The following PLPP1 variants were observed in gnomAD, a reference collection of about 807,000 sequenced individuals.
PLPP1 encodes phospholipid phosphatase 1.
PLPP1 carries 24 observed loss-of-function variants against 31.2 expected under a neutral mutation model. The ratio of observed to expected loss-of-function variants is 0.77; its 90% confidence interval spans 0.56 to 1.08. The LOEUF (loss-of-function observed/expected upper bound fraction) is 1.08. Among genes scored for constraint, PLPP1 ranks in the 50% least tolerant of loss-of-function variants. PLPP1 has a pLI of 0.00. For missense variants in PLPP1, 319 were observed against 342.7 expected, an observed-to-expected ratio of 0.93 and a Z score of 0.55; for synonymous variants, 146 against 126.3, an observed-to-expected ratio of 1.16 and a Z score of -1.05.
Position 55,508,318 on chromosome 5 carries a change from A to T in PLPP1, c.58+26254T>A, listed in dbSNP as rs1056826804. The stretch of plus-strand genomic sequence containing the variant: ...TGGAAAAGATATGGCAAGCAGGAAG[A>T]AAGTGAGATAAGACACTGTGGGCAC... On this transcript the variant is annotated intron_variant, in intron 1 of 5. Transcript: ENST00000307259. Among the ~76,000 whole-genome samples the T allele has an allele frequency of 2.0e-5, 3 of 152,342 alleles. No homozygotes were observed. The East Asian group carries it at 5.8e-4, about 29-fold the overall frequency.
intron 2 of PLPP1, among the ~76,000 whole-genome samples, chr5:55,471,817 T>C (rs1453298172): frequency 1.3e-5 from 2 of 152,214 alleles, no homozygotes; most frequent in Non-Finnish European, 2.9e-5. Flanking sequence ...AAAATTGAAT[T>C]ATTTTAAATG....
chr5:55,477,108 T>A (rs1361678410), intron 1 of PLPP1, among the ~76,000 whole-genome samples: 5 of 152,030 alleles, frequency 3.3e-5, no homozygotes, highest in Admixed American at 1.3e-4. Context: ...ATATCCCAAT[T>A]CAGACTATCC....
intron 3 of PLPP1, among the ~76,000 whole-genome samples, chr5:55,446,256 T>G (rs776159681): frequency 3.3e-5 from 5 of 152,210 alleles, no homozygotes; most frequent in Non-Finnish European, 5.9e-5. Context: ...TCCAGATCTC[T>G]TACCCTTTCT....
chr5:55,428,104 G>A (rs551517069), intron 4 of PLPP1, among the ~76,000 whole-genome samples: 1 of 152,300 alleles, frequency 6.6e-6, no homozygotes, highest in African/African-American at 2.4e-5. Flanking sequence ...ACACTTCTAA[G>A]TGAAGTCTTT....
At chr5:55,480,434 C>T (rs1464484194) in intron 1 of PLPP1, among the ~76,000 whole-genome samples, 1 of 151,772 alleles carries the variant, frequency 6.6e-6, no homozygotes, top group Non-Finnish European at 1.5e-5. Flanking sequence ...CCCTTGAGCC[C>T]ATTTGCATTT....
intron 3 of PLPP1, among the ~76,000 whole-genome samples, chr5:55,443,191 A>AT (rs1331582356): frequency 0.095 from 7,148 of 75,376 alleles, 202 homozygotes; most frequent in Non-Finnish European, 0.12. Flanking sequence ...AAAAAAAAAA[A>AT]AATATATATA....
Position 55,468,040 on chromosome 5 carries a change from A to G in PLPP1, c.320T>C (p.Phe107Ser). 1.2e-6 allele frequency: 2 copies of G among 1,614,200 alleles called. No individual in the cohort carries two copies. Among genetic ancestry groups the G allele is most frequent in the Non-Finnish European group, 1.7e-6 (2 of 1,180,018 alleles). ...TIYKAIGTFL[F>S]GAAASQSLTD... ...CAGGGACTGACTAGCAGCTGCACCA[A>G]ATAAAAAGGTTCCAATGGCTTTGTA... Residue 107 changes from phenylalanine (F) to serine (S), a missense_variant, in exon 3 of 6, where the codon TTT becomes TCT. Physicochemically the swap from Phe to Ser is radical, Grantham distance 155. Coordinates refer to ENST00000307259, the MANE Select transcript of PLPP1 (RefSeq NM_003711.4).
rs1306686135 is a variant in PLPP1, at chr5:55,458,915, A to C, written c.491+8954T>G. 2.5e-3 allele frequency among the ~76,000 whole-genome samples: 377 copies of C among 149,060 alleles called. 6 individuals carry two copies. The highest frequency in any genetic ancestry group is 8.4e-3 in the African/African-American group (337 of 40,356). ...AAAAAAAAAAAAAAAAAAAAAAAAA[A>C]ACACATAGCAAAATGGCAGAAAAAT... On this transcript the variant is annotated intron_variant, in intron 3 of 5. Coordinates refer to ENST00000307259, the MANE Select transcript of PLPP1 (RefSeq NM_003711.4).
intron 1 of PLPP1, among the ~76,000 whole-genome samples, chr5:55,524,046 C>T (rs1242601110): frequency 1.3e-5 from 2 of 152,116 alleles, no homozygotes; most frequent in Non-Finnish European, 2.9e-5. Flanking sequence ...ATAATGTCTG[C>T]TTAATAAATA....
At chr5:55,441,213 G>A (rs1579924631) in intron 4 of PLPP1, among the ~76,000 whole-genome samples, 1 of 152,242 alleles carries the variant, frequency 6.6e-6, no homozygotes, top group Admixed American at 6.5e-5. Flanking sequence ...GCAAAATGTG[G>A]GTGCAAATCT....
intron 1 of PLPP1, among the ~76,000 whole-genome samples, chr5:55,526,660 C>T (rs1039626764): frequency 1.3e-5 from 2 of 152,232 alleles, no homozygotes; most frequent in South Asian, 2.1e-4. Flanking sequence ...AGGCCAGGCA[C>T]GGTGGCTCAC....
chr5:55,489,443 T>C (rs1579959615), intron 1 of PLPP1, among the ~76,000 whole-genome samples: 1 of 152,176 alleles, frequency 6.6e-6, no homozygotes, highest in Admixed American at 6.5e-5. Flanking sequence ...AAGTAACCAG[T>C]TATGGTGGGA....
At chr5:55,466,569 G>A (rs919666768) in intron 3 of PLPP1, among the ~76,000 whole-genome samples, 9 of 152,002 alleles carry the variant, frequency 5.9e-5, no homozygotes, top group African/African-American at 2.2e-4. Context: ...AGGGCATGGT[G>A]GCACGTGCCT....
intron 3 of PLPP1, among the ~76,000 whole-genome samples, chr5:55,456,879 A>G (rs953886878): frequency 3.3e-5 from 5 of 152,178 alleles, no homozygotes; most frequent in African/African-American, 1.2e-4. Context: ...AGCTATAAAC[A>G]GGCCTGGTGC....
intron 1 of PLPP1, among the ~76,000 whole-genome samples, chr5:55,512,516 GAAA>G (rs1561253159): frequency 8.2e-3 from 60 of 7,340 alleles, no homozygotes; most frequent in South Asian, 0.02. Flanking sequence ...GAAAAGAAAA[GAAA>G]GAAAGAAAGA....
At chr5:55,428,378 T>A (rs921943466) in intron 4 of PLPP1, among the ~76,000 whole-genome samples, 4 of 152,192 alleles carry the variant, frequency 2.6e-5, no homozygotes, top group African/African-American at 4.8e-5. Context: ...AAGACTTCCA[T>A]TTCTGTAGAG....
chr5:55,426,170 T>C, intron 4 of PLPP1, 131 bp from the exon 5 acceptor site: 1 of 751,814 alleles, frequency 1.3e-6, no homozygotes, highest in Non-Finnish European at 2.1e-6. Context: ...TAGGCAAACA[T>C]TCACGTACGC....
chr5:55,501,978 C>T (rs1180235663), intron 1 of PLPP1, among the ~76,000 whole-genome samples: 1 of 152,148 alleles, frequency 6.6e-6, no homozygotes, highest in Non-Finnish European at 1.5e-5. Flanking sequence ...AAAATAATGG[C>T]ACTCAGGCAG....
At chr5:55,510,232 CA>C (rs1753376017) in intron 1 of PLPP1, among the ~76,000 whole-genome samples, 1 of 152,144 alleles carries the variant, frequency 6.6e-6, no homozygotes, top group African/African-American at 2.4e-5. Context: ...TTGGCATAAT[CA>C]AAAACGCATT....
Sources: gnomAD v4.1 joint callset for allele counts (sites outside exome capture counted in the v4.1 genomes callset) on GRCh38, gnomAD v4.1.1 for gene constraint, MANE v1.5 for transcripts, NCBI Gene and HGNC (gene_info 2026-07-23, HGNC 2026-07-21) for gene names.